HMGB1: variants seen among roughly 807,000 people sequenced by gnomAD.
The protein encoded by HMGB1 is high mobility group box 1, also known as high mobility group protein B1.
For missense variants in HMGB1, 79 were observed against 253.5 expected, an observed-to-expected ratio of 0.31 and a Z score of 4.67; for synonymous variants, 81 against 84.0, an observed-to-expected ratio of 0.96 and a Z score of 0.19.
chr13:30,515,337 G>A (rs1397274333), intron 1 of HMGB1, among the ~76,000 whole-genome samples: 1 of 152,168 alleles, frequency 6.6e-6, no homozygotes, highest in African/African-American at 2.4e-5. Context: ...GTGTTCCCTT[G>A]AGCAGAGAAC....
intron 1 of HMGB1, among the ~76,000 whole-genome samples, chr13:30,549,060 G>A (rs1869296210): frequency 6.6e-6 from 1 of 152,112 alleles, no homozygotes; most frequent in Non-Finnish European, 1.5e-5. Flanking sequence ...CACTTTGGGA[G>A]GCCAAGTAGG....
chr13:30,565,708 G>A (rs1870157029), intron 1 of HMGB1, among the ~76,000 whole-genome samples: 1 of 152,116 alleles, frequency 6.6e-6, no homozygotes, highest in Non-Finnish European at 1.5e-5. Flanking sequence ...CACACTTAAA[G>A]AAGCAAAAAA....
chr13:30,590,827 T>G (rs1871336900), intron 1 of HMGB1, among the ~76,000 whole-genome samples: 1 of 152,168 alleles, frequency 6.6e-6, no homozygotes, highest in African/African-American at 2.4e-5. Flanking sequence ...AGGCACCATG[T>G]TGGAAGCAGA....
At chr13:30,462,419 A>T (rs916577339) in intron 4 of HMGB1, 119 bp downstream of exon 4, 2 of 843,954 alleles carry the variant, frequency 2.4e-6, no homozygotes, top group Non-Finnish European at 2.1e-6. Context: ...ATGAGGACTT[A>T]TATCAACACC....
intron 1 of HMGB1, among the ~76,000 whole-genome samples, chr13:30,505,540 G>A (rs184461362): frequency 4.7e-4 from 71 of 151,906 alleles, no homozygotes; most frequent in African/African-American, 1.7e-3. Context: ...CGAACTCCTG[G>A]CCTCAGGTGA....
intron 1 of HMGB1, among the ~76,000 whole-genome samples, chr13:30,596,013 G>C (rs1231907591): frequency 1.3e-5 from 2 of 152,180 alleles, no homozygotes; most frequent in African/African-American, 4.8e-5. Flanking sequence ...GGCCATCTTG[G>C]AAGCTGGCTA....
chr13:30,466,014 C>T (rs1886769177), upstream of HMGB1: 2 of 947,704 alleles, frequency 2.1e-6, no homozygotes, highest in Non-Finnish European at 2.5e-6. Flanking sequence ...CTCCCATTGT[C>T]CTGACCAGAG....
intron 1 of HMGB1, among the ~76,000 whole-genome samples, chr13:30,568,433 A>G (rs1276786066): frequency 2.0e-5 from 3 of 152,158 alleles, no homozygotes; most frequent in African/African-American, 7.2e-5. Context: ...CTCAAGCCCA[A>G]GGAGTTCAAG....
At chr13:30,584,759 A>C (rs942221305) in intron 1 of HMGB1, among the ~76,000 whole-genome samples, 8 of 152,216 alleles carry the variant, frequency 5.3e-5, no homozygotes, top group Non-Finnish European at 1.2e-4. Flanking sequence ...TTTAGCACCC[A>C]GATAGCTTCT....
rs1372078802 is a variant in HMGB1 at position 30,601,548 on chromosome 13, A to G, written c.-15+15123T>C. 4.9e-5 allele frequency among the ~76,000 whole-genome samples: 2 copies of G among 41,194 alleles called. 1 individual carries two copies. The highest frequency in any genetic ancestry group is 8.7e-5 in the Non-Finnish European group (2 of 23,072). 27.0% of individuals were successfully genotyped at this position (41,194 alleles called of 152,430 possible). A position where few individuals can be genotyped will look rare whatever the true frequency, so the allele number is the denominator to read the frequency against. On this transcript the variant is annotated intron_variant, in intron 1 of 4. Coordinates refer to the HMGB1 transcript ENST00000405805. Reference sequence around the variant, plus strand: ...ATCACGAGGTCAAGAGATCGAGACCATCCCGGCTAAAACGGTGAAACCCCG... The same window carrying G: ...ATCACGAGGTCAAGAGATCGAGACCGTCCCGGCTAAAACGGTGAAACCCCG...
intron 1 of HMGB1, among the ~76,000 whole-genome samples, chr13:30,471,693 A>T (rs574052430): frequency 0.011 from 454 of 39,682 alleles, 2 homozygotes; most frequent in Middle Eastern, 0.031. Flanking sequence ...TTTGAGATGG[A>T]GTTTCACTCT....
intron 1 of HMGB1, among the ~76,000 whole-genome samples, chr13:30,486,802 C>T (rs1467783395): frequency 6.6e-6 from 1 of 152,060 alleles, no homozygotes; most frequent in Non-Finnish European, 1.5e-5. Flanking sequence ...AAGCTTGAGC[C>T]TTGTTGCTCT....
chr13:30,535,481 C>T (rs1303326375), intron 1 of HMGB1, among the ~76,000 whole-genome samples: 1 of 152,218 alleles, frequency 6.6e-6, no homozygotes, highest in Non-Finnish European at 1.5e-5. Context: ...CTCCATGCTT[C>T]TCTTTACCAT....
chr13:30,569,265 A>G (rs1414638157), intron 1 of HMGB1, among the ~76,000 whole-genome samples: 3 of 152,252 alleles, frequency 2.0e-5, no homozygotes, highest in African/African-American at 4.8e-5. Flanking sequence ...TTATATGATT[A>G]TAAAAGTGCT....
intron 1 of HMGB1, among the ~76,000 whole-genome samples, chr13:30,511,194 C>T (rs1378117879): frequency 6.6e-6 from 1 of 152,216 alleles, no homozygotes; most frequent in Non-Finnish European, 1.5e-5. Context: ...TTTTCCTTTT[C>T]ATTATCCACT....
rs931244320 is a variant in HMGB1 at position 30,600,330 on chromosome 13, G to A, written c.-15+16341C>T. 5.3e-5 allele frequency among the ~76,000 whole-genome samples: 8 copies of A among 152,174 alleles called. No individual in the cohort carries two copies. In the East Asian group the frequency reaches 5.8e-4, roughly 11 times the overall value. On this transcript the variant is annotated intron_variant, in intron 1 of 4. Coordinates refer to the HMGB1 transcript ENST00000405805. ...ATGAAATTTTCTTTATTACTGCTCC[G>A]CTACTGGAATGTTAGATCACTGTCT...
At chr13:30,579,535 GA>G (rs1870811692) in intron 1 of HMGB1, among the ~76,000 whole-genome samples, 1 of 152,172 alleles carries the variant, frequency 6.6e-6, no homozygotes, top group Admixed American at 6.5e-5. Flanking sequence ...AATGAGATGT[GA>G]AAAGTAAATG....
At chr13:30,584,433 T>C (rs1389480910) in intron 1 of HMGB1, among the ~76,000 whole-genome samples, 1 of 152,208 alleles carries the variant, frequency 6.6e-6, no homozygotes, top group Non-Finnish European at 1.5e-5. Flanking sequence ...ATTTTCTCCA[T>C]AGTACATTTC....
chr13:30,520,635 A>T (rs949411333), intron 1 of HMGB1, among the ~76,000 whole-genome samples: 1 of 152,150 alleles, frequency 6.6e-6, no homozygotes, highest in Admixed American at 6.6e-5. Flanking sequence ...ATAAATAAAT[A>T]AAATAAAATA....
Sources: gnomAD v4.1 joint callset for allele counts (sites outside exome capture counted in the v4.1 genomes callset) on GRCh38, gnomAD v4.1.1 for gene constraint, MANE v1.5 for transcripts, NCBI Gene and HGNC (gene_info 2026-07-23, HGNC 2026-07-21) for gene names.